The following DNAH7 variants were observed in gnomAD, a reference collection of about 807,000 sequenced individuals.
The protein encoded by DNAH7 is dynein axonemal heavy chain 7, also known as axonemal beta dynein heavy chain 7.
In DNAH7, 397 loss-of-function variants were observed where a neutral mutation model predicts 444.6. The ratio of observed to expected loss-of-function variants is 0.89; its 90% CI spans 0.82 to 0.97. DNAH7 has a LOEUF of 0.97. Ranked by LOEUF, DNAH7 falls within the 50% of genes least tolerant of loss-of-function variation. The probability of loss-of-function intolerance (pLI) is 0.00; values close to 1 mark genes in which losing one functional copy is unlikely to be tolerated. For synonymous variants in DNAH7, 1,636 were observed against 1,624.4 expected, an observed-to-expected ratio of 1.01 and a Z score of -0.17; for missense variants, 4,902 against 4,800.8, an observed-to-expected ratio of 1.02 and a Z score of -0.62.
At chr2:195,853,599 C>G in intron 45 of DNAH7, 71 bp from the exon 46 acceptor site, 3 of 1,403,224 alleles carry the variant, frequency 2.1e-6, no homozygotes, top group East Asian at 5.0e-5. Flanking sequence ...AAGATTTTAC[C>G]CTCAGAAGTG....
chr2:195,998,126 A>C (rs1693811000), intron 12 of DNAH7, among the ~76,000 whole-genome samples: 1 of 152,214 alleles, frequency 6.6e-6, no homozygotes, highest in Non-Finnish European at 1.5e-5. Flanking sequence ...ATCTCTCAAA[A>C]TTTGATACCA....
intron 48 of DNAH7, among the ~76,000 whole-genome samples, chr2:195,828,085 G>A (rs970012716): frequency 1.3e-5 from 2 of 152,024 alleles, no homozygotes; most frequent in African/African-American, 4.8e-5. Context: ...ACAAATCCTA[G>A]ACATCATAAA....
chr2:195,948,054 GCTT>G (rs1689940496), intron 19 of DNAH7, among the ~76,000 whole-genome samples: 1 of 152,120 alleles, frequency 6.6e-6, no homozygotes, highest in African/African-American at 2.4e-5. Context: ...GTGATAATGA[GCTT>G]TTTTTCATAG....
intron 21 of DNAH7, among the ~76,000 whole-genome samples, chr2:195,930,371 T>C (rs1688611365): frequency 1.3e-5 from 2 of 152,004 alleles, no homozygotes; most frequent in South Asian, 2.1e-4. Context: ...GCAGCAGGCA[T>C]GAATAGATAC....
intron 3 of DNAH7, among the ~76,000 whole-genome samples, chr2:196,049,660 T>C (rs1025954566): frequency 2.6e-5 from 4 of 152,160 alleles, no homozygotes; most frequent in Admixed American, 2.6e-4. Flanking sequence ...TTAAAACCCA[T>C]AAGACTCAAA....
intron 5 of DNAH7, among the ~76,000 whole-genome samples, chr2:196,046,887 T>C (rs1336971913): frequency 6.6e-6 from 1 of 152,218 alleles, no homozygotes; most frequent in African/African-American, 2.4e-5. Flanking sequence ...AAAGAAGAGC[T>C]GGTGACTTGC....
intron 46 of DNAH7, among the ~76,000 whole-genome samples, chr2:195,851,405 G>T (rs1699354888): frequency 6.6e-6 from 1 of 152,216 alleles, no homozygotes; most frequent in Non-Finnish European, 1.5e-5. Context: ...GGCATGGGAT[G>T]AAGTGACTAC....
rs1226940806 is a variant in DNAH7, at chr2:195,852,929, G to C, written c.8781+414C>G. Among the ~76,000 whole-genome samples, 194 of 150,192 alleles carry C rather than the reference G, an allele frequency of 1.3e-3. 2 individuals are homozygous for C. Among genetic ancestry groups the C allele is most frequent in the African/African-American group, 4.5e-3 (181 of 40,364 alleles). ...ACACACACACACAGAGAGAGAGAGA[G>C]AGAGAGAGAGAGAGAGAGACAGAGT... is the stretch of plus-strand genomic sequence containing the variant. On this transcript the variant is annotated intron_variant, in intron 46 of 64. Coordinates refer to ENST00000312428, the MANE Select transcript of DNAH7 (RefSeq NM_018897.3).
chr2:195,864,148 C>T lies in DNAH7; in HGVS notation c.7506+1G>A, dbSNP rs374158976. ...TCTATCTAAAATGTACATGACAATACCTGAAACCAGTCAATGGTACAGCAG... is the reference window on the plus strand; with the variant it reads ...TCTATCTAAAATGTACATGACAATATCTGAAACCAGTCAATGGTACAGCAG... On this transcript the variant is annotated splice_donor_variant, in intron 41 of 64. Transcript: ENST00000312428. LOFTEE classifies it high-confidence loss of function. 5 of 1,611,090 alleles carry T rather than the reference C, an allele frequency of 3.1e-6. No individual in the cohort carries two copies. The highest frequency in any genetic ancestry group is 1.7e-5 in the Admixed American group (1 of 59,938).
At chr2:195,760,117 G>A (rs552762794) in intron 61 of DNAH7, among the ~76,000 whole-genome samples, 3 of 152,232 alleles carry the variant, frequency 2.0e-5, no homozygotes, top group East Asian at 3.9e-4. Flanking sequence ...GCAGTAGCCC[G>A]GCAGTACTCC....
At chr2:196,044,437 A>C (rs1279601958) in intron 5 of DNAH7, among the ~76,000 whole-genome samples, 1 of 147,644 alleles carries the variant, frequency 6.8e-6, no homozygotes, top group Non-Finnish European at 1.5e-5. Flanking sequence ...CTGGAGACTC[A>C]AGGGGGAAAG....
intron 57 of DNAH7, among the ~76,000 whole-genome samples, chr2:195,791,863 A>G (rs1342554627): frequency 6.6e-6 from 1 of 152,164 alleles, no homozygotes. Flanking sequence ...GGGTAAACAC[A>G]GACATAAAGA....
At chr2:196,040,693 T>C (rs541300237) in intron 5 of DNAH7, among the ~76,000 whole-genome samples, 1 of 152,258 alleles carries the variant, frequency 6.6e-6, no homozygotes, top group Admixed American at 6.5e-5. Flanking sequence ...ACCACTTTTA[T>C]TCAACATTGT....
In DNAH7 at chr2:195,872,326, AC is replaced by A. The variant is rs1352669765; in HGVS notation, c.6556del (p.Val2186SerfsTer18). 1.2e-6 allele frequency: 2 copies of A among 1,613,858 alleles called. No homozygotes were observed. The highest frequency in any genetic ancestry group is 1.7e-6 in the Non-Finnish European group (2 of 1,179,948). ...TCTTGACAAACAAACACCTTGAATG[AC>A]ACGGGAGAAATCACGGAGGTTGAAC... is the stretch of plus-strand genomic sequence containing the variant. ...YLFNLRDFSR[V>X]IQGVCLSRPE... On this transcript the variant is annotated frameshift_variant, in exon 40 of 65. Transcript: ENST00000312428. LOFTEE classifies it high-confidence loss of function.
At chr2:195,828,717 A>C (rs113640021) in intron 48 of DNAH7, among the ~76,000 whole-genome samples, 200 of 148,966 alleles carry the variant, frequency 1.3e-3, no homozygotes, top group African/African-American at 4.9e-3. Context: ...TTTAATTTTT[A>C]AACTCATCTG....
rs769839531 is a variant in DNAH7, at chr2:195,906,611, T to G, written c.4335+48A>C. 8.3e-6 allele frequency: 13 copies of G among 1,569,398 alleles called. No individual in the cohort carries two copies. The South Asian group carries it at 1.5e-4, about 19-fold the overall frequency. ...GCCCAGCTCTTTTCATATATTAACT[T>G]TGTAAATTATAGAGAAGAAATAGAT... On this transcript the variant is annotated intron_variant, in intron 27 of 64. Transcript: ENST00000312428.
At chr2:195,980,320 TGAA>T (rs978312415) in intron 15 of DNAH7, among the ~76,000 whole-genome samples, 7 of 152,160 alleles carry the variant, frequency 4.6e-5, no homozygotes, top group Admixed American at 1.3e-4. Flanking sequence ...TGCTGCCATG[TGAA>T]GAAGGACATG....
At chr2:196,028,284 C>T (rs1332025956) in intron 5 of DNAH7, among the ~76,000 whole-genome samples, 1 of 152,184 alleles carries the variant, frequency 6.6e-6, no homozygotes, top group African/African-American at 2.4e-5. Flanking sequence ...AAATCACACC[C>T]TCCTTGATGG....
intron 53 of DNAH7, among the ~76,000 whole-genome samples, chr2:195,808,054 T>C (rs1236140465): frequency 6.6e-6 from 1 of 152,066 alleles, no homozygotes; most frequent in African/African-American, 2.4e-5. Flanking sequence ...CTCTTGCATA[T>C]TAAACTCACA....
Sources: allele counts gnomAD v4.1 joint callset (sites outside exome capture counted in the v4.1 genomes callset), GRCh38; gene constraint gnomAD v4.1.1; transcripts MANE v1.5; gene names NCBI Gene and HGNC (gene_info 2026-07-23, HGNC 2026-07-21).